Variants in ZFHX3 observed in about 807,000 individuals in gnomAD.
The protein encoded by ZFHX3 is zinc finger homeobox protein 3.
A neutral mutation model predicts 279.1 loss-of-function variants in ZFHX3; 42 were observed. That is an observed-to-expected ratio of 0.15 (90% CI 0.12 to 0.19). The LOEUF (loss-of-function observed/expected upper bound fraction) is 0.19. ZFHX3 is among the 10% of genes least tolerant of loss of function. The pLI, the probability that ZFHX3 is intolerant of heterozygous loss-of-function variation, is 1.00. For synonymous variants in ZFHX3, 2,293 were observed against 1,957.8 expected (o/e 1.17, Z -4.52); for missense variants, 4,981 against 4,754.0 (o/e 1.05, Z -1.40).
At chr16:72,862,562 T>C (rs2037913898) in intron 4 of ZFHX3, among the ~76,000 whole-genome samples, 1 of 152,218 alleles carries the variant, frequency 6.6e-6, no homozygotes, top group Non-Finnish European at 1.5e-5. Context: ...TGATCATCAA[T>C]GGCTAATAAC....
chr16:72,799,983 C>G, intron 8 of ZFHX3, 44 bp downstream of exon 8: 1 of 1,566,898 alleles, frequency 6.4e-7, no homozygotes, highest in Non-Finnish European at 8.8e-7. Flanking sequence ...TTTTGGCATT[C>G]CATCTTGTTT....
At chr16:73,880,244 C>T (rs1469686053) in intron 1 of ZFHX3, among the ~76,000 whole-genome samples, 1 of 152,042 alleles carries the variant, frequency 6.6e-6, no homozygotes, top group Non-Finnish European at 1.5e-5. Context: ...TGAAATCTTC[C>T]GGCAGGCAGA....
At chr16:73,843,156 G>C (rs1373881629) in intron 1 of ZFHX3, among the ~76,000 whole-genome samples, 1 of 152,188 alleles carries the variant, frequency 6.6e-6, no homozygotes, top group Non-Finnish European at 1.5e-5. Flanking sequence ...AGAATAACTG[G>C]CACGAAGTGA....
At chr16:72,935,197 G>A (rs1276150242) in intron 3 of ZFHX3, among the ~76,000 whole-genome samples, 2 of 152,206 alleles carry the variant, frequency 1.3e-5, no homozygotes, top group South Asian at 2.1e-4. Flanking sequence ...GGGTGCTCAA[G>A]GACGTGTGGC....
chr16:73,245,444 A>C (rs919220441), intron 5 of ZFHX3, among the ~76,000 whole-genome samples: 4 of 152,034 alleles, frequency 2.6e-5, no homozygotes, highest in Non-Finnish European at 5.9e-5. Context: ...CCACATTCCA[A>C]ATTTTCAACA....
At chr16:72,792,293 T>G (rs1016559640) in intron 9 of ZFHX3, among the ~76,000 whole-genome samples, 1 of 152,154 alleles carries the variant, frequency 6.6e-6, no homozygotes, top group Non-Finnish European at 1.5e-5. Flanking sequence ...ACTGAGGACC[T>G]CTGAAATGTG....
At position 72,880,700 on chromosome 16, in the gene ZFHX3, C is replaced by T. The variant is rs1011814321; in HGVS notation, c.3448+9031G>A. On this transcript the variant is annotated intron_variant, in intron 4 of 9. Coordinates refer to ENST00000268489, the MANE Select transcript of ZFHX3 (RefSeq NM_006885.4). The stretch of plus-strand genomic sequence containing the variant: ...CTGTACCAGGAAAATCACACATTGT[C>T]TGATTTTTGATATTCTAATTAGAGC... Among the ~76,000 whole-genome samples, 19 of 152,112 alleles carry T rather than the reference C, an allele frequency of 1.2e-4. No individual in the cohort carries two copies. The East Asian group carries it at 1.9e-3, about 15-fold the overall frequency.
intron 3 of ZFHX3, among the ~76,000 whole-genome samples, chr16:73,334,861 G>C (rs1195359201): frequency 1.6e-5 from 1 of 63,294 alleles, no homozygotes; most frequent in African/African-American, 6.3e-5. Context: ...TTCTGAATCT[G>C]CTTGACGTAA....
At chr16:73,105,358 TATATATAC>T (rs1567389746) in intron 7 of ZFHX3, among the ~76,000 whole-genome samples, 5 of 73,368 alleles carry the variant, frequency 6.8e-5, no homozygotes, top group African/African-American at 2.6e-4. Context: ...TATATACACA[TATATATAC>T]ACACATATAT....
chr16:72,795,321 A>C lies in ZFHX3; in HGVS notation c.7361T>G (p.Leu2454Arg). The C allele has an allele frequency of 6.2e-7, 1 of 1,614,022 alleles. No individual in the cohort carries two copies. Among genetic ancestry groups the C allele is most frequent in the African/African-American group, 1.3e-5 (1 of 74,974 alleles). The change falls in exon 9 of 10, where the codon CTG (leucine) becomes CGG (arginine). Residue 2454 changes from leucine to arginine, a missense_variant. Transcript: ENST00000268489. ...CTGCTCGGGCTGCTCTTGCTGCTGC[A>C]GCTCTGGCTTTGGTTGTCCTTGCTT... ...QEKQGQPKPE[L>R]QQQEQPEQKT...
chr16:73,320,988 T>C (rs2015562922), intron 3 of ZFHX3, among the ~76,000 whole-genome samples: 1 of 152,176 alleles, frequency 6.6e-6, no homozygotes, highest in African/African-American at 2.4e-5. Context: ...TCCTTCTTTG[T>C]GCCAATGCTG....
intron 7 of ZFHX3, among the ~76,000 whole-genome samples, chr16:72,808,618 G>T (rs1453785785): frequency 6.6e-6 from 1 of 152,116 alleles, no homozygotes; most frequent in Non-Finnish European, 1.5e-5. Flanking sequence ...CCCACAATCT[G>T]CACACTTCTC....
intron 8 of ZFHX3, among the ~76,000 whole-genome samples, chr16:73,082,428 C>T (rs1447749251): frequency 1.3e-5 from 2 of 151,914 alleles, no homozygotes; most frequent in Non-Finnish European, 2.9e-5. Context: ...CTACCACGCC[C>T]GGCTAATTTT....
At position 72,794,989 on chromosome 16, in the gene ZFHX3, A is replaced by T; in HGVS notation, c.7693T>A (p.Phe2565Ile). Residue 2565 changes from phenylalanine (F) to isoleucine (I), a missense_variant, in exon 9 of 10, where the codon TTT (phenylalanine) becomes ATT (isoleucine). Phe to Ile is a conservative substitution (Grantham distance 21). Coordinates refer to ENST00000268489, the MANE Select transcript of ZFHX3 (RefSeq NM_006885.4). This position sits in a 1 kb window ranked among gnomAD's most constrained non-coding sequence, Gnocchi z 4.2. ...GGCATATCCAGGGACCTGTCCAAAA[A>T]CTGGGGGTGGATGAACTGGTTCTGC... ...SAQNQFIHPQ[F>I]LDRSLDMPFM... The T allele has an allele frequency of 1.2e-6, 2 of 1,614,062 alleles. No homozygotes were observed. The highest frequency in any genetic ancestry group is 1.7e-6 in the Non-Finnish European group (2 of 1,180,024).
chr16:72,890,054 G>A, intron 3 of ZFHX3, 92 bp from the exon 4 acceptor site: 1 of 1,190,810 alleles, frequency 8.4e-7, no homozygotes, highest in Non-Finnish European at 1.2e-6. Flanking sequence ...ACAGCCAGAG[G>A]CATGCCTCCA....
At chr16:73,582,358 C>T (rs2051871077) in intron 2 of ZFHX3, among the ~76,000 whole-genome samples, 1 of 151,862 alleles carries the variant, frequency 6.6e-6, no homozygotes, top group South Asian at 2.1e-4. Flanking sequence ...GATGTATTCA[C>T]TTCCATAAAA....
intron 1 of ZFHX3, among the ~76,000 whole-genome samples, chr16:73,827,862 G>GA (rs1363845621): frequency 1.8e-5 from 2 of 108,794 alleles, no homozygotes; most frequent in African/African-American, 7.5e-5. Context: ...GTGTGGTGCT[G>GA]AAAAAAATGT....
chr16:73,842,526 C>A (rs1458481406), intron 1 of ZFHX3, among the ~76,000 whole-genome samples: 2 of 152,232 alleles, frequency 1.3e-5, no homozygotes, highest in Middle Eastern at 3.4e-3. Flanking sequence ...CCATACCTAT[C>A]CCCACATCTG....
chr16:73,192,760 A>T (rs1269189764), intron 5 of ZFHX3, among the ~76,000 whole-genome samples: 1 of 152,100 alleles, frequency 6.6e-6, no homozygotes, highest in Non-Finnish European at 1.5e-5. Flanking sequence ...GCAGATTTCC[A>T]TTTGTCCGTC....
Sources: gnomAD v4.1 joint callset for allele counts (sites outside exome capture counted in the v4.1 genomes callset) on GRCh38, gnomAD v4.1.1 for gene constraint, Gnocchi (gnomAD v3.1) non-coding constraint, MANE v1.5 for transcripts, NCBI Gene and HGNC (gene_info 2026-07-23, HGNC 2026-07-21) for gene names.